Variants in FRAS1 observed in about 807,000 individuals in gnomAD.
FRAS1 encodes the protein Fraser extracellular matrix complex subunit 1, also known as extracellular matrix organizing protein FRAS1.
FRAS1 carries 290 observed loss-of-function variants against 435.2 expected under a neutral mutation model. That is an observed-to-expected ratio of 0.67 (90% CI 0.61 to 0.73). The LOEUF (loss-of-function observed/expected upper bound fraction) is 0.73, where lower values mean the gene tolerates loss of function less well. FRAS1 is among the 30% of genes least tolerant of loss of function. The pLI is 0.00. For synonymous variants in FRAS1, 1,800 were observed against 1,851.0 expected (o/e 0.97, Z 0.71); for missense variants, 4,860 against 5,001.5 (o/e 0.97, Z 0.85).
At chr4:78,112,462 T>C (rs1742794656) in intron 2 of FRAS1, among the ~76,000 whole-genome samples, 1 of 152,120 alleles carries the variant, frequency 6.6e-6, no homozygotes, top group Admixed American at 6.6e-5. Context: ...CTTTTTTTTC[T>C]GATAACTTTT....
chr4:78,148,598 G>A (rs1720511374), intron 2 of FRAS1, among the ~76,000 whole-genome samples: 1 of 152,142 alleles, frequency 6.6e-6, no homozygotes, highest in Admixed American at 6.5e-5. Context: ...ATGCTACAGT[G>A]CTATTAATTA....
At chr4:78,294,071 G>A (rs1728030834) in intron 14 of FRAS1, among the ~76,000 whole-genome samples, 1 of 152,184 alleles carries the variant, frequency 6.6e-6, no homozygotes, top group Non-Finnish European at 1.5e-5. Context: ...AAGGTTCTCA[G>A]TTATTTTAGC....
At chr4:78,220,376 G>A (rs1407046309) in intron 2 of FRAS1, among the ~76,000 whole-genome samples, 1 of 152,086 alleles carries the variant, frequency 6.6e-6, no homozygotes. Context: ...AAGGTTTATT[G>A]GAACATAGAC....
At chr4:78,217,063 T>A (rs1300278162) in intron 2 of FRAS1, among the ~76,000 whole-genome samples, 1 of 148,184 alleles carries the variant, frequency 6.7e-6, no homozygotes, top group South Asian at 2.3e-4. Context: ...ACAGAACCAA[T>A]AAAAGATAGC....
intron 14 of FRAS1, among the ~76,000 whole-genome samples, chr4:78,288,871 G>A (rs1398647911): frequency 6.6e-6 from 1 of 152,128 alleles, no homozygotes; most frequent in African/African-American, 2.4e-5. Context: ...ACTGACCTTG[G>A]AAGTCAGTCA....
intron 2 of FRAS1, among the ~76,000 whole-genome samples, chr4:78,171,410 T>G (rs1016144996): frequency 6.6e-6 from 1 of 152,112 alleles, no homozygotes; most frequent in Non-Finnish European, 1.5e-5. Context: ...CCACACAAAA[T>G]ATATAGTATA....
intron 38 of FRAS1, among the ~76,000 whole-genome samples, chr4:78,435,460 T>A (rs1193866299): frequency 6.6e-6 from 1 of 152,050 alleles, no homozygotes; most frequent in Non-Finnish European, 1.5e-5. Flanking sequence ...AGATGCTAGC[T>A]GGGTGCGGTG....
chr4:78,067,585 C>T (rs1392429882), intron 2 of FRAS1, among the ~76,000 whole-genome samples: 3 of 151,968 alleles, frequency 2.0e-5, no homozygotes, highest in African/African-American at 7.3e-5. Context: ...CACCCTCCCA[C>T]ACCAGCACGC....
chr4:78,493,380 A>G (rs926305565), intron 59 of FRAS1, among the ~76,000 whole-genome samples: 2 of 152,248 alleles, frequency 1.3e-5, no homozygotes, highest in Admixed American at 1.3e-4. Context: ...CACTATTCAC[A>G]ATAGCAAAGA....
intron 58 of FRAS1, among the ~76,000 whole-genome samples, chr4:78,487,083 T>G (rs1031870460): frequency 6.6e-6 from 1 of 152,170 alleles, no homozygotes; most frequent in African/African-American, 2.4e-5. Flanking sequence ...TATTGCTTTT[T>G]CCCTGGCAAC....
intron 70 of FRAS1, 35 bp downstream of exon 70, chr4:78,526,692 A>G: frequency 7.5e-7 from 1 of 1,325,654 alleles, no homozygotes; most frequent in Non-Finnish European, 1.0e-6. Context: ...TTATTTGTTG[A>G]TTCCTTATTT....
chr4:78,108,527 A>T (rs1387656473), intron 2 of FRAS1, among the ~76,000 whole-genome samples: 1 of 99,860 alleles, frequency 1.0e-5, no homozygotes, highest in East Asian at 2.5e-4. Flanking sequence ...TGAAGGCAGA[A>T]ATAAAGATGT....
At chr4:78,066,048 C>T in intron 2 of FRAS1, 32 bp downstream of exon 2, 4 of 1,508,522 alleles carry the variant, frequency 2.7e-6, no homozygotes, top group Non-Finnish European at 3.7e-6. Context: ...TGGTTTCTGT[C>T]ATTTGAATGT....
chr4:78,472,451 G>T, intron 52 of FRAS1, 121 bp downstream of exon 52: 1 of 798,886 alleles, frequency 1.3e-6, no homozygotes, highest in South Asian at 2.7e-5. Flanking sequence ...ACTTTGCAGA[G>T]ATCTTCTAGT....
At position 78,387,463 on chromosome 4, in the gene FRAS1, A is replaced by G. The variant is rs761788033; in HGVS notation, c.3737A>G (p.Asp1246Gly). 6.2e-7 allele frequency: 1 copy of G among 1,613,768 alleles called. No homozygotes were observed. Among genetic ancestry groups the G allele is most frequent in the South Asian group, 1.1e-5 (1 of 91,056 alleles). The change falls in exon 29 of 74, where the codon GAT (aspartate) becomes GGT (glycine). Residue 1246 changes from aspartate (D) to glycine (G), a missense_variant. Physicochemically the swap from Asp to Gly is moderately conservative, Grantham distance 94. Transcript: ENST00000512123. Reference protein sequence around the residue: ...ITTQMLDIRDDDNPQDVVIEI... With the variant: ...ITTQMLDIRDGDNPQDVVIEI... The stretch of plus-strand genomic sequence containing the variant: ...ACCCAGATGCTTGACATCCGAGATG[A>G]TGACAACCCACAGGATGTGGTCATT...
At chr4:78,267,485 T>C in intron 9 of FRAS1, 53 bp downstream of exon 9, 6 of 1,532,302 alleles carry the variant, frequency 3.9e-6, no homozygotes, top group Non-Finnish European at 5.3e-6. Flanking sequence ...TCCAACGGGA[T>C]AGTGAGGGGT....
chr4:78,436,552 G>A lies in FRAS1; in HGVS notation c.5218-2018G>A, dbSNP rs1734436703. ...TACTGTTTGTAACAGTGAAAATATT[G>A]AAACAAACCAAATGCCCACCACAAG... On this transcript the variant is annotated intron_variant, in intron 38 of 73. Transcript: ENST00000512123. 2.6e-5 allele frequency among the ~76,000 whole-genome samples: 4 copies of A among 152,104 alleles called. No homozygotes were observed. The South Asian group carries it at 6.2e-4, about 24-fold the overall frequency.
At chr4:78,242,931 G>A (rs1725069564) in intron 3 of FRAS1, among the ~76,000 whole-genome samples, 2 of 152,088 alleles carry the variant, frequency 1.3e-5, no homozygotes, top group South Asian at 4.1e-4. Context: ...ATATAGAATA[G>A]CTAGCTGGAT....
chr4:78,473,653 G>A, intron 53 of FRAS1, 56 bp downstream of exon 53: 1 of 1,430,846 alleles, frequency 7.0e-7, no homozygotes. Context: ...AGCAGAGGGA[G>A]TCAGGATGAA....
Sources: allele counts gnomAD v4.1 joint callset (sites outside exome capture counted in the v4.1 genomes callset), GRCh38; gene constraint gnomAD v4.1.1; transcripts MANE v1.5; gene names NCBI Gene and HGNC (gene_info 2026-07-23, HGNC 2026-07-21).